NEK1: variants seen among roughly 807,000 people sequenced by gnomAD.
NEK1 encodes serine/threonine-protein kinase Nek1.
A neutral mutation model predicts 182.1 loss-of-function variants in NEK1; 137 were observed. The ratio of observed to expected loss-of-function variants is 0.75; its 90% confidence interval spans 0.65 to 0.87. The LOEUF is 0.87. Ranked by LOEUF, NEK1 falls within the 40% of genes least tolerant of loss-of-function variation. NEK1 has a pLI of 0.00. For missense variants in NEK1, 1,391 were observed against 1,494.4 expected (o/e 0.93, Z 1.14); for synonymous variants, 513 against 492.2 (o/e 1.04, Z -0.56).
chr4:169,580,992 T>C (rs777233305), intron 10 of NEK1, 90 bp from the exon 11 acceptor site: 123 of 575,310 alleles, frequency 2.1e-4, no homozygotes, highest in Admixed American at 7.5e-5. Flanking sequence ...TTCCCCTTTT[T>C]CAGTAGTAAT....
intron 31 of NEK1, among the ~76,000 whole-genome samples, chr4:169,412,273 T>C (rs879830056): frequency 1.3e-5 from 2 of 152,226 alleles, no homozygotes; most frequent in Non-Finnish European, 2.9e-5. Flanking sequence ...GTTTGTACTT[T>C]TAAAGAAACA....
At chr4:169,545,888 A>G (rs184313247) in intron 18 of NEK1, among the ~76,000 whole-genome samples, 1 of 152,204 alleles carries the variant, frequency 6.6e-6, no homozygotes, top group African/African-American at 2.4e-5. Context: ...GCCCACTTCA[A>G]GGAGAACTAC....
At chr4:169,395,843 C>G (rs1354643039) in intron 35 of NEK1, among the ~76,000 whole-genome samples, 1 of 152,100 alleles carries the variant, frequency 6.6e-6, no homozygotes, top group East Asian at 1.9e-4. Flanking sequence ...ATGGTTTTTG[C>G]TTTTATTTTT....
At chr4:169,521,486 G>A (rs1756034487) in intron 19 of NEK1, among the ~76,000 whole-genome samples, 1 of 152,010 alleles carries the variant, frequency 6.6e-6, no homozygotes, top group African/African-American at 2.4e-5. Context: ...CACGCTGGGA[G>A]CTGTAGACCG....
chr4:169,521,056 CT>C (rs1755899748), intron 19 of NEK1, among the ~76,000 whole-genome samples: 2 of 90,886 alleles, frequency 2.2e-5, no homozygotes, highest in Non-Finnish European at 4.5e-5. Flanking sequence ...TTCCAGGCTG[CT>C]TTGTTTACCT....
chr4:169,537,773 T>G, intron 19 of NEK1, 36 bp downstream of exon 19: 2 of 1,462,738 alleles, frequency 1.4e-6, no homozygotes, highest in Non-Finnish European at 1.9e-6. Context: ...GGAATACTAA[T>G]ACATTCAAAA....
chr4:169,452,476 G>A (rs949342226), intron 27 of NEK1, among the ~76,000 whole-genome samples: 18 of 152,140 alleles, frequency 1.2e-4, no homozygotes, highest in Admixed American at 6.5e-4. Flanking sequence ...TGATCAAGTT[G>A]GCTTCATCCC....
intron 28 of NEK1, among the ~76,000 whole-genome samples, chr4:169,434,563 A>G (rs1193504187): frequency 6.6e-6 from 1 of 152,088 alleles, no homozygotes; most frequent in Admixed American, 6.6e-5. Context: ...GCAGTGGCTC[A>G]TTTTTCACCT....
At chr4:169,599,736 A>G (rs1770159157) in intron 4 of NEK1, among the ~76,000 whole-genome samples, 1 of 152,092 alleles carries the variant, frequency 6.6e-6, no homozygotes, top group Non-Finnish European at 1.5e-5. Context: ...CCTTAATTTT[A>G]TGCACTTTTT....
intron 26 of NEK1, among the ~76,000 whole-genome samples, chr4:169,472,291 T>C (rs1246688485): frequency 1.3e-5 from 2 of 152,202 alleles, no homozygotes; most frequent in Non-Finnish European, 2.9e-5. Flanking sequence ...TCTTTTGGTC[T>C]GTGGGTTGTG....
At chr4:169,605,659 G>A (rs1297340487) in intron 2 of NEK1, among the ~76,000 whole-genome samples, 1 of 151,990 alleles carries the variant, frequency 6.6e-6, no homozygotes, top group Non-Finnish European at 1.5e-5. Flanking sequence ...ATAACTGAAG[G>A]AACATACGAA....
At chr4:169,473,355 G>C (rs904631191) in intron 26 of NEK1, among the ~76,000 whole-genome samples, 1 of 151,990 alleles carries the variant, frequency 6.6e-6, no homozygotes, top group African/African-American at 2.4e-5. Flanking sequence ...TCCAAAAGGG[G>C]AGAGGCTGGG....
At position 169,400,643 on chromosome 4, in the gene NEK1, C is replaced by G; in HGVS notation, c.3592G>C (p.Asp1198His). Residue 1198 changes from aspartate (D) to histidine (H), a missense_variant, in exon 34 of 36, where the codon GAT (aspartate) becomes CAT (histidine). This residue lies in a region of NEK1 where 1,216 missense variants were observed against 1,277.6 expected (regional missense o/e 0.95). Transcript: ENST00000507142. ...TCACATTCACTAGCAATTTCACCATCACTGTTATCTAAAAAACAAAATTAA... is the reference window on the plus strand; with the variant it reads ...TCACATTCACTAGCAATTTCACCATGACTGTTATCTAAAAAACAAAATTAA... The part of the protein sequence containing the change: ...LNEEWHSDNS[D>H]GEIASECECD... The G allele has an allele frequency of 6.3e-7, 1 of 1,584,258 alleles. No homozygotes were observed. The highest frequency in any genetic ancestry group is 8.6e-7 in the Non-Finnish European group (1 of 1,164,308).
At chr4:169,426,801 T>A (rs1736481664) in intron 29 of NEK1, among the ~76,000 whole-genome samples, 1 of 152,132 alleles carries the variant, frequency 6.6e-6, no homozygotes, top group South Asian at 2.1e-4. Flanking sequence ...GTAAACAAAG[T>A]GATTCACAGA....
chr4:169,481,510 A>G (rs1466176900), intron 23 of NEK1, among the ~76,000 whole-genome samples: 1 of 152,218 alleles, frequency 6.6e-6, no homozygotes, highest in Non-Finnish European at 1.5e-5. Context: ...CATGAAAACA[A>G]CATGAATCTC....
At chr4:169,484,497 A>G (rs1748693412) in intron 23 of NEK1, among the ~76,000 whole-genome samples, 1 of 152,256 alleles carries the variant, frequency 6.6e-6, no homozygotes, top group South Asian at 2.1e-4. Flanking sequence ...ATTAGACACA[A>G]TATTTTCTCT....
At chr4:169,422,036 T>C (rs945403355) in intron 31 of NEK1, among the ~76,000 whole-genome samples, 6 of 152,022 alleles carry the variant, frequency 3.9e-5, no homozygotes, top group Non-Finnish European at 8.8e-5. Context: ...GAAAGTACAA[T>C]ATAAAGGGAG....
intron 19 of NEK1, among the ~76,000 whole-genome samples, chr4:169,514,615 G>A (rs563806084): frequency 3.9e-5 from 6 of 152,250 alleles, no homozygotes; most frequent in African/African-American, 1.4e-4. Context: ...GAATTTTATA[G>A]GATTGGTTCA....
At chr4:169,590,951 T>C (rs1341874035) in intron 5 of NEK1, 142 bp from the exon 6 acceptor site, 10 of 610,148 alleles carry the variant, frequency 1.6e-5, no homozygotes. Flanking sequence ...TGACATTAAA[T>C]AGATATTCAA....
Sources: allele counts gnomAD v4.1 joint callset (sites outside exome capture counted in the v4.1 genomes callset), GRCh38; gene constraint gnomAD v4.1.1; regional missense constraint gnomAD v4.1.1; transcripts MANE v1.5; gene names NCBI Gene and HGNC (gene_info 2026-07-23, HGNC 2026-07-21).